MOCS2: variants seen among roughly 807,000 people sequenced by gnomAD.
MOCS2 encodes the protein molybdopterin synthase catalytic subunit.
Under a neutral mutation model 21.9 loss-of-function variants are expected in MOCS2, and 13 were observed. The ratio of observed to expected loss-of-function variants is 0.59; its 90% confidence interval spans 0.39 to 0.94. The LOEUF (loss-of-function observed/expected upper bound fraction) is 0.94, where lower values mean the gene tolerates loss of function less well. Ranked by LOEUF, MOCS2 falls within the 40% of genes least tolerant of loss-of-function variation. The pLI is 0.00. For synonymous variants in MOCS2, 92 were observed against 80.8 expected (o/e 1.14, Z -0.74); for missense variants, 227 against 218.3 (o/e 1.04, Z -0.25).
intron 6 of MOCS2, 138 bp downstream of exon 6, chr5:53,100,273 T>A: frequency 1.0e-6 from 1 of 987,966 alleles, no homozygotes; most frequent in Non-Finnish European, 1.5e-6. Context: ...TAACAAATCT[T>A]GGAAAGAAGA....
chr5:53,102,901 C>T (rs30164), intron 3 of MOCS2, among the ~76,000 whole-genome samples: 119,517 of 150,358 alleles, frequency 0.79, 48,096 homozygotes, highest in African/African-American at 0.93. Context: ...TGAGCTGAAA[C>T]TGATCATGCC....
In MOCS2 at chr5:53,101,347, A is replaced by C; in HGVS notation, c.377+12T>G. ...TTACACTTAACTTTTAGAGTGATAA[A>C]GGAAATCATACCCAAGTCTATGGAA... On this transcript the variant is annotated intron_variant, in intron 5 of 6. Coordinates refer to ENST00000396954, the MANE Select transcript of MOCS2 (RefSeq NM_004531.5). 6.2e-7 allele frequency: 1 copy of C among 1,613,344 alleles called. No homozygotes were observed. The highest frequency in any genetic ancestry group is 8.5e-7 in the Non-Finnish European group (1 of 1,179,440).
chr5:53,100,259 T>A, intron 6 of MOCS2, 152 bp downstream of exon 6: 5 of 862,264 alleles, frequency 5.8e-6, no homozygotes, highest in Non-Finnish European at 9.0e-6. Context: ...ATATTTTTCA[T>A]GCTTAACAAA....
intron 3 of MOCS2, among the ~76,000 whole-genome samples, chr5:53,106,365 G>A (rs560168991): frequency 5.0e-4 from 76 of 152,338 alleles, no homozygotes; most frequent in Non-Finnish European, 7.9e-4. Context: ...ATACTATGCA[G>A]CCATAAGAAA....
In MOCS2 at chr5:53,101,445, G is replaced by A. The variant is rs1740904538; in HGVS notation, c.291C>T (p.Pro97=). The change falls in exon 5 of 7, where the codon CCC becomes CCT. Residue 97 remains proline, a synonymous_variant. Transcript: ENST00000396954. The part of the protein sequence containing the change: ...VISLEYEAYL[P]MAENEVRKIC... ...TCTTTCTGACTTCATTTTCCGCCAT[G>A]GGTAGATATGCTTCATATTCTAAGC... is the stretch of plus-strand genomic sequence containing the variant. 1 of 1,612,678 alleles carries A rather than the reference G, an allele frequency of 6.2e-7. No homozygotes were observed. The highest frequency in any genetic ancestry group is 1.3e-5 in the African/African-American group (1 of 74,800).
chr5:53,108,452 A>C, intron 2 of MOCS2, 70 bp downstream of exon 2: 2 of 1,426,786 alleles, frequency 1.4e-6, no homozygotes, highest in Admixed American at 4.5e-5. Flanking sequence ...TAACCTTTTT[A>C]CTTTTATCAT....
chr5:53,102,353 A>C, intron 3 of MOCS2, 129 bp from the exon 4 acceptor site: 1 of 915,272 alleles, frequency 1.1e-6, no homozygotes, highest in Non-Finnish European at 1.6e-6. Flanking sequence ...TGTGGCACAA[A>C]ATATAGTTTA....
chr5:53,100,605 A>T, intron 5 of MOCS2, 71 bp from the exon 6 acceptor site: 2 of 1,534,926 alleles, frequency 1.3e-6, no homozygotes, highest in South Asian at 2.3e-5. Flanking sequence ...TCTGCTAGAC[A>T]GATGAAAAAA....
chr5:53,109,755 C>A lies in MOCS2; in HGVS notation c.-674G>T, dbSNP rs1336114502. The A allele has an allele frequency of 1.3e-6, 2 of 1,547,594 alleles. No individual in the cohort carries two copies. The highest frequency in any genetic ancestry group is 3.9e-5 in the Admixed American group (2 of 50,994). On this transcript the variant is annotated 5_prime_UTR_variant, in exon 1 of 7. Transcript: ENST00000396954. ...CCCGCCTAGGACAGCGGGACCGAAT[C>A]ACGGCCGCAAAGGCGCAGGCGCGGG...
At chr5:53,098,688 A>G in intron 6 of MOCS2, 21 bp from the exon 7 acceptor site, 1 of 1,559,932 alleles carries the variant, frequency 6.4e-7, no homozygotes. Flanking sequence ...AAATCATAAC[A>G]GGTATTAAAA....
In MOCS2 at chr5:53,098,231, G is replaced by A. The variant is rs140347326; in HGVS notation, c.*371C>T. ...CTCTCCCAGAACCGGGATGGGGGGC[G>A]GTGAGGTGGGGTTGGTGGGGGAGTA... On this transcript the variant is annotated 3_prime_UTR_variant, in exon 7 of 7. Coordinates refer to ENST00000396954, the MANE Select transcript of MOCS2 (RefSeq NM_004531.5). The A allele has an allele frequency of 2.6e-3, 578 of 219,702 alleles. 5 individuals are homozygous for A. Among genetic ancestry groups the A allele is most frequent in the African/African-American group, 0.012 (543 of 43,898 alleles). 13.6% of individuals were successfully genotyped at this position (219,702 alleles called of 1,614,324 possible). A position where few individuals can be genotyped will look rare whatever the true frequency, so the allele number is the denominator to read the frequency against.
chr5:53,102,479 A>C (rs1331398373), intron 3 of MOCS2, among the ~76,000 whole-genome samples: 2 of 152,136 alleles, frequency 1.3e-5, no homozygotes, highest in African/African-American at 4.8e-5. Context: ...CAAAGGGAAC[A>C]AAAAGTGGGC....
intron 3 of MOCS2, among the ~76,000 whole-genome samples, chr5:53,104,721 A>C (rs1240918390): frequency 2.0e-5 from 3 of 152,110 alleles, no homozygotes; most frequent in African/African-American, 7.2e-5. Context: ...TGGGGAAAAA[A>C]TGGGTGAAAA....
chr5:53,109,596 G>C lies in MOCS2; in HGVS notation c.-515C>G. On this transcript the variant is annotated 5_prime_UTR_variant, in exon 1 of 7. Coordinates refer to ENST00000396954, the MANE Select transcript of MOCS2 (RefSeq NM_004531.5). ...CCGAACCCAAGACGCCGGCCAGGTT[G>C]GGGGCTAGTGGGGAGGTCCGACTGA... 6.7e-7 allele frequency: 1 copy of C among 1,483,114 alleles called. No individual in the cohort carries two copies. The highest frequency in any genetic ancestry group is 2.6e-5 in the East Asian group (1 of 38,608). The allele number at this position is 1,483,114 out of a possible 1,614,324, so 91.9% of individuals were successfully genotyped here. A position where few individuals can be genotyped will look rare whatever the true frequency, so the allele number is the denominator to read the frequency against.
chr5:53,107,820 T>G (rs1254384995), intron 2 of MOCS2: 1 of 152,972 alleles, frequency 6.5e-6, no homozygotes, highest in Admixed American at 6.5e-5. Flanking sequence ...CCACTGTGTT[T>G]TATTGATTAT....
intron 6 of MOCS2, 69 bp from the exon 7 acceptor site, chr5:53,098,736 A>T: frequency 9.1e-7 from 1 of 1,103,446 alleles, no homozygotes; most frequent in Non-Finnish European, 1.4e-6. Context: ...AATATATTTG[A>T]ATAAATCAGA....
Position 53,100,507 on chromosome 5 carries a change from T to C in MOCS2, c.405A>G (p.Ile135Met), listed in dbSNP as rs1274824457. ...LGLVPVSEAS[I>M]IIAVSSAHRA... is the part of the protein sequence containing the mutation. ...TGTGGGCTGAGGACACAGCAATGATTATGCTTGCTTCTGACACTGGAACCA... is the reference window on the plus strand; with the variant it reads ...TGTGGGCTGAGGACACAGCAATGATCATGCTTGCTTCTGACACTGGAACCA... The change falls in exon 6 of 7, where the codon ATA becomes ATG. Residue 135 changes from isoleucine to methionine, a missense_variant. Ile to Met is a conservative substitution (Grantham distance 10). Transcript: ENST00000396954. 5.6e-6 allele frequency: 9 copies of C among 1,613,698 alleles called. No homozygotes were observed. The highest frequency in any genetic ancestry group is 7.6e-6 in the Non-Finnish European group (9 of 1,179,822).
At chr5:53,100,271 CT>C (rs1475440623) in intron 6 of MOCS2, 139 bp downstream of exon 6, 34 of 973,760 alleles carry the variant, frequency 3.5e-5, no homozygotes, top group Non-Finnish European at 5.0e-5. Flanking sequence ...CTTAACAAAT[CT>C]TGGAAAGAAG....
At position 53,098,837 on chromosome 5, in the gene MOCS2, A is replaced by G. The variant is rs1579930863; in HGVS notation, c.502-170T>C. 3.2e-5 allele frequency: 20 copies of G among 623,998 alleles called. No individual in the cohort carries two copies. The East Asian group carries it at 5.5e-4, about 17-fold the overall frequency. 38.7% of individuals were successfully genotyped at this position (623,998 alleles called of 1,614,324 possible). A position where few individuals can be genotyped will look rare whatever the true frequency, so the allele number is the denominator to read the frequency against. On this transcript the variant is annotated intron_variant, in intron 6 of 6. Transcript: ENST00000396954. ...CAAGGTTACATAGGGGAAGACAGAA[A>G]GTCTTTAGTTTTAAACATTTTTTTT... is the stretch of plus-strand genomic sequence containing the variant.
Sources: gnomAD v4.1 joint callset for allele counts (sites outside exome capture counted in the v4.1 genomes callset) on GRCh38, gnomAD v4.1.1 for gene constraint, MANE v1.5 for transcripts, NCBI Gene and HGNC (gene_info 2026-07-23, HGNC 2026-07-21) for gene names.